LRP1B: variants seen among roughly 807,000 people sequenced by gnomAD.
The protein encoded by LRP1B is low-density lipoprotein receptor-related protein 1B.
In LRP1B, 217 loss-of-function variants were observed where a neutral mutation model predicts 556.6. The ratio of observed to expected loss-of-function variants is 0.39; its 90% CI spans 0.35 to 0.44. The LOEUF (loss-of-function observed/expected upper bound fraction) is 0.44. Ranked by LOEUF, LRP1B falls within the 20% of genes least tolerant of loss-of-function variation. LRP1B has a pLI of 1.00. For synonymous variants in LRP1B, 2,047 were observed against 1,865.8 expected, an observed-to-expected ratio of 1.10 and a Z score of -2.50; for missense variants, 5,053 against 5,620.8, an observed-to-expected ratio of 0.90 and a Z score of 3.23.
In LRP1B at chr2:141,160,530, A is replaced by G. The variant is rs78711382; in HGVS notation, c.1013+27891T>C. 3.3e-4 allele frequency among the ~76,000 whole-genome samples: 50 copies of G among 152,244 alleles called. No individual in the cohort carries two copies. The Middle Eastern group carries it at 0.01, about 31-fold the overall frequency. On this transcript the variant is annotated intron_variant, in intron 7 of 90. Coordinates refer to ENST00000389484, the MANE Select transcript of LRP1B (RefSeq NM_018557.3). The stretch of plus-strand genomic sequence containing the variant: ...TTCTTCTAGAGGTGAAGGAATAAAT[A>G]TCATCTGGTACAGCCCCACAGTGGG...
At chr2:142,091,237 A>G (rs954775091) in intron 1 of LRP1B, among the ~76,000 whole-genome samples, 3 of 152,142 alleles carry the variant, frequency 2.0e-5, no homozygotes, top group African/African-American at 7.2e-5. Flanking sequence ...GACTTTGGCA[A>G]AAGTATTTAC....
intron 1 of LRP1B, among the ~76,000 whole-genome samples, chr2:141,946,364 GA>G (rs1317984919): frequency 1.3e-5 from 2 of 152,162 alleles, no homozygotes; most frequent in African/African-American, 4.8e-5. Context: ...AGTATATTAA[GA>G]AAAGTGCCTC....
At position 141,983,034 on chromosome 2, in the gene LRP1B, G is replaced by A. The variant is rs1340145558; in HGVS notation, c.82+147614C>T. ...AAAAAATATAAAAACACTAAATAGT[G>A]TTCTAGAACAGGAAAGAGAAAAGAC... On this transcript the variant is annotated intron_variant, in intron 1 of 90. Coordinates refer to ENST00000389484, the MANE Select transcript of LRP1B (RefSeq NM_018557.3). Among the ~76,000 whole-genome samples, 3 of 152,254 alleles carry A rather than the reference G, an allele frequency of 2.0e-5. 1 individual carries two copies. In the South Asian group the frequency reaches 6.2e-4, roughly 32 times the overall value.
chr2:140,897,823 C>T (rs996482805), intron 23 of LRP1B, among the ~76,000 whole-genome samples: 4 of 152,156 alleles, frequency 2.6e-5, no homozygotes, highest in African/African-American at 9.7e-5. Context: ...GAAGGCTGCG[C>T]TATCGGCTTC....
chr2:141,075,162 G>A (rs1272062479), intron 7 of LRP1B, among the ~76,000 whole-genome samples: 2 of 152,120 alleles, frequency 1.3e-5, no homozygotes, highest in Non-Finnish European at 2.9e-5. Flanking sequence ...TGGATTAAAA[G>A]TGTTGGGTGA....
chr2:141,596,947 T>A (rs1004674844), intron 2 of LRP1B, among the ~76,000 whole-genome samples: 4 of 151,896 alleles, frequency 2.6e-5, no homozygotes, highest in Non-Finnish European at 1.5e-5. Flanking sequence ...GTTTAGTAGT[T>A]ACTACCTATG....
intron 2 of LRP1B, among the ~76,000 whole-genome samples, chr2:141,532,246 G>A (rs1009880000): frequency 4.0e-5 from 6 of 151,842 alleles, no homozygotes; most frequent in East Asian, 3.9e-4. Context: ...AGTTCAAGAC[G>A]TAGGTATGAG....
At chr2:140,490,488 T>A (rs1377057154) in intron 57 of LRP1B, among the ~76,000 whole-genome samples, 1 of 152,134 alleles carries the variant, frequency 6.6e-6, no homozygotes, top group African/African-American at 2.4e-5. Flanking sequence ...TTAGAATCAA[T>A]CATTCTTGCT....
At chr2:141,416,796 G>A (rs991334983) in intron 3 of LRP1B, among the ~76,000 whole-genome samples, 3 of 151,920 alleles carry the variant, frequency 2.0e-5, no homozygotes, top group Non-Finnish European at 2.9e-5. Flanking sequence ...TGGAATCTTT[G>A]GGGCAAGGAA....
chr2:140,561,417 A>C (rs745720278), intron 43 of LRP1B, among the ~76,000 whole-genome samples: 1 of 152,144 alleles, frequency 6.6e-6, no homozygotes, highest in Non-Finnish European at 1.5e-5. Context: ...TCCATTCTTC[A>C]TTGAACTTAA....
At chr2:140,294,268 T>C (rs965934079) in intron 84 of LRP1B, among the ~76,000 whole-genome samples, 3 of 152,216 alleles carry the variant, frequency 2.0e-5, no homozygotes, top group African/African-American at 7.2e-5. Context: ...CACATACAGT[T>C]ACAAGATCAT....
chr2:140,740,555 A>T lies in LRP1B; in HGVS notation c.5759-23739T>A, dbSNP rs573405421. Reference sequence around the variant, plus strand: ...GGATAAAAGACTGCAAATAGGGTGCAGTGTATACTGCTCAGGTGATGGGTG... The same window carrying T: ...GGATAAAAGACTGCAAATAGGGTGCTGTGTATACTGCTCAGGTGATGGGTG... On this transcript the variant is annotated intron_variant, in intron 35 of 90. Coordinates refer to ENST00000389484, the MANE Select transcript of LRP1B (RefSeq NM_018557.3). 8.5e-5 allele frequency among the ~76,000 whole-genome samples: 13 copies of T among 152,296 alleles called. No individual in the cohort carries two copies. In the East Asian group the frequency reaches 2.5e-3, roughly 29 times the overall value.
At chr2:141,351,997 G>A (rs1300216542) in intron 3 of LRP1B, among the ~76,000 whole-genome samples, 1 of 151,906 alleles carries the variant, frequency 6.6e-6, no homozygotes, top group African/African-American at 2.4e-5. Context: ...CACTGAAAGT[G>A]TAAAGTGTTT....
At chr2:141,675,466 C>A (rs1390521970) in intron 2 of LRP1B, among the ~76,000 whole-genome samples, 1 of 151,700 alleles carries the variant, frequency 6.6e-6, no homozygotes, top group African/African-American at 2.4e-5. Flanking sequence ...CCAGAGGCAT[C>A]AGGTTTTAAT....
rs183029423 is a variant in LRP1B at position 140,912,478 on chromosome 2, A to C, written c.3320-4401T>G. ...GATAGAATATCCAAAAATCTTTAAA[A>C]TAAAGTTTTTTAAATGTGCATGAGT... On this transcript the variant is annotated intron_variant, in intron 21 of 90. Transcript: ENST00000389484. 7.3e-3 allele frequency among the ~76,000 whole-genome samples: 1,106 copies of C among 151,768 alleles called. 12 individuals are homozygous for C. The highest frequency in any genetic ancestry group is 0.025 in the African/African-American group (1,052 of 41,528).
At chr2:140,935,510 C>A (rs1695176732) in intron 20 of LRP1B, among the ~76,000 whole-genome samples, 1 of 151,816 alleles carries the variant, frequency 6.6e-6, no homozygotes, top group African/African-American at 2.4e-5. Context: ...GGAAAAAAAT[C>A]AAAGAAAACT....
At chr2:141,557,092 G>A (rs750355332) in intron 2 of LRP1B, among the ~76,000 whole-genome samples, 1 of 151,630 alleles carries the variant, frequency 6.6e-6, no homozygotes, top group Non-Finnish European at 1.5e-5. Flanking sequence ...AAATACACAC[G>A]GTAAAAGGGG....
chr2:140,777,290 G>C (rs368274900), intron 32 of LRP1B, among the ~76,000 whole-genome samples: 3 of 152,278 alleles, frequency 2.0e-5, no homozygotes, highest in Middle Eastern at 3.4e-3. Context: ...AGCTCACAGA[G>C]GGCTGACAGC....
At chr2:141,265,357 T>A (rs1347630486) in intron 3 of LRP1B, among the ~76,000 whole-genome samples, 1 of 151,986 alleles carries the variant, frequency 6.6e-6, no homozygotes, top group Non-Finnish European at 1.5e-5. Flanking sequence ...CCCCAGCCTG[T>A]CTCCTGGACT....
Sources: allele counts gnomAD v4.1 joint callset (sites outside exome capture counted in the v4.1 genomes callset), GRCh38; gene constraint gnomAD v4.1.1; transcripts MANE v1.5; gene names NCBI Gene and HGNC (gene_info 2026-07-23, HGNC 2026-07-21).